TRPV5: variants seen among roughly 807,000 people sequenced by gnomAD.
TRPV5 encodes transient receptor potential cation channel subfamily V member 5, also known as calcium transport protein 2.
A neutral mutation model predicts 74.1 loss-of-function variants in TRPV5; 66 were observed. The observed-to-expected ratio is 0.89, with a 90% CI of 0.73 to 1.09. TRPV5 has a LOEUF of 1.09. Among genes scored for constraint, TRPV5 ranks in the 50% least tolerant of loss-of-function variants. TRPV5 has a pLI of 0.00. For synonymous variants in TRPV5, 399 were observed against 360.7 expected (o/e 1.11, Z -1.20); for missense variants, 936 against 930.4 (o/e 1.01, Z -0.08).
intron 8 of TRPV5, among the ~76,000 whole-genome samples, chr7:142,922,240 T>C (rs1452518798): frequency 1.3e-5 from 2 of 152,172 alleles, no homozygotes; most frequent in Admixed American, 6.5e-5. Flanking sequence ...TATATGAGGC[T>C]CTCAATAATA....
chr7:142,929,304 A>G lies in TRPV5; in HGVS notation c.487+124T>C, dbSNP rs1796043873. On this transcript the variant is annotated intron_variant, in intron 4 of 14. Transcript: ENST00000265310. ...TGGGCCTCTGGCTTAATTAAGCCCT[A>G]GAAGGGCTGCCCCTCTCAACTGCCC... 5 of 1,518,272 alleles carry G rather than the reference A, an allele frequency of 3.3e-6. No individual in the cohort carries two copies. The South Asian group carries it at 5.0e-5, about 15-fold the overall frequency. The allele number at this position is 1,518,272 out of a possible 1,614,324, so 94.1% of individuals were successfully genotyped here.
At chr7:142,924,273 TATATATAC>T (rs1795935164) in intron 8 of TRPV5, among the ~76,000 whole-genome samples, 1 of 122,506 alleles carries the variant, frequency 8.2e-6, no homozygotes, top group African/African-American at 3.3e-5. Flanking sequence ...TACATATATA[TATATATAC>T]ATATACATGT....
chr7:142,924,393 C>T (rs7457948), intron 8 of TRPV5, among the ~76,000 whole-genome samples: 2 of 124,202 alleles, frequency 1.6e-5, no homozygotes, highest in African/African-American at 6.6e-5. Flanking sequence ...TATATATATA[C>T]ATATACATGT....
chr7:142,923,314 A>C (rs924263201), intron 8 of TRPV5, among the ~76,000 whole-genome samples: 2 of 152,140 alleles, frequency 1.3e-5, no homozygotes, highest in Non-Finnish European at 2.9e-5. Flanking sequence ...AACAGTAGGA[A>C]AAAAAAGGAA....
rs1796046915 is a variant in TRPV5, at chr7:142,929,476, C to T, written c.439G>A (p.Ala147Thr). ...CTATGGCGGAAGGCAGTGCCTGTGG[C>T]TCTGGCAGAGACACTGGCCCTGCGG... ...LTRRASVSARATGTAFRHSPR... is the reference protein window; with the variant it reads ...LTRRASVSARTTGTAFRHSPR... The change falls in exon 4 of 15, where the codon GCC (alanine) becomes ACC (threonine). Residue 147 changes from alanine (A) to threonine (T), a missense_variant. Coordinates refer to ENST00000265310, the MANE Select transcript of TRPV5 (RefSeq NM_019841.7). 6.2e-7 allele frequency: 1 copy of T among 1,614,144 alleles called. No homozygotes were observed. The highest frequency in any genetic ancestry group is 1.3e-5 in the African/African-American group (1 of 75,042).
chr7:142,912,534 C>T lies in TRPV5; in HGVS notation c.1736G>A (p.Gly579Asp), dbSNP rs762236060. ...LMLNLFIAMM[G>D]DTHWRVAQER... The stretch of plus-strand genomic sequence containing the variant: ...CTGGGCCACCCTCCAGTGGGTGTCG[C>T]CCATCATGGCGATGAACAAGTTGAG... The change falls in exon 13 of 15, where the codon GGC (glycine) becomes GAC (aspartate). Residue 579 changes from glycine (G) to aspartate (D), a missense_variant. Physicochemically the swap from Gly to Asp is moderately conservative, Grantham distance 94. Transcript: ENST00000265310. 1 of 1,614,230 alleles carries T rather than the reference C, an allele frequency of 6.2e-7. No homozygotes were observed.
rs201724971 is a variant in TRPV5 at position 142,930,968 on chromosome 7, A to AATTTGTG, written c.129-529_129-523dup. 1.7e-4 allele frequency among the ~76,000 whole-genome samples: 25 copies of AATTTGTG among 150,822 alleles called. No homozygotes were observed. The East Asian group carries it at 1.8e-3, about 11-fold the overall frequency. ...GCTAGATCTTTCCTAGGCATTTTGAAATTTGTGAAATTTGTGAGGCACTAA... is the reference window on the plus strand; with the variant it reads ...GCTAGATCTTTCCTAGGCATTTTGAAATTTGTGATTTGTGAAATTTGTGAGGCACTAA... On this transcript the variant is annotated intron_variant, in intron 1 of 14. Transcript: ENST00000265310.
At chr7:142,911,986 G>A (rs961493642) in intron 13 of TRPV5, among the ~76,000 whole-genome samples, 2 of 152,088 alleles carry the variant, frequency 1.3e-5, no homozygotes, top group African/African-American at 4.8e-5. Flanking sequence ...AGATAATAAG[G>A]TACTAATCAG....
Position 142,929,565 on chromosome 7 carries a change from C to T in TRPV5, c.350G>A (p.Gly117Asp). 1 of 1,612,848 alleles carries T rather than the reference C, an allele frequency of 6.2e-7. No homozygotes were observed. The highest frequency in any genetic ancestry group is 8.5e-7 in the Non-Finnish European group (1 of 1,178,992). Reference sequence around the variant, plus strand: ...AACAGCGATGTGCAGTGCAGTCTGACCTGGCCCAGAGACAGCCATCATCAG... The same window carrying T: ...AACAGCGATGTGCAGTGCAGTCTGATCTGGCCCAGAGACAGCCATCATCAG... ...FEPTTCEAFA[G>D]QTALHIAVVN... The change falls in exon 4 of 15, where the codon GGT becomes GAT. Residue 117 changes from glycine (G) to aspartate (D), a missense_variant and splice_region_variant. By Grantham distance (94) the Gly-to-Asp change is moderately conservative. Transcript: ENST00000265310.
At chr7:142,914,593 G>T in intron 12 of TRPV5, 47 bp downstream of exon 12, 1 of 1,491,260 alleles carries the variant, frequency 6.7e-7, no homozygotes, top group Non-Finnish European at 9.3e-7. Flanking sequence ...TGAACTTTCT[G>T]GAGAACTAGA....
rs142407933 is a variant in TRPV5, at chr7:142,915,768, C to T, written c.1123-200G>A. On this transcript the variant is annotated intron_variant, in intron 8 of 14. Coordinates refer to ENST00000265310, the MANE Select transcript of TRPV5 (RefSeq NM_019841.7). The stretch of plus-strand genomic sequence containing the variant: ...GTCTATGTATCCAAGGTTTAATAGA[C>T]GTCACATATGCTAATGTCTTGAGCT... Among the ~76,000 whole-genome samples, 140 of 152,336 alleles carry T rather than the reference C, an allele frequency of 9.2e-4. 1 individual carries two copies. In the East Asian group the frequency reaches 0.015, roughly 16 times the overall value.
intron 13 of TRPV5, among the ~76,000 whole-genome samples, chr7:142,910,335 T>G (rs1015471488): frequency 6.6e-6 from 1 of 152,184 alleles, no homozygotes; most frequent in Non-Finnish European, 1.5e-5. Context: ...AACAAAGGTG[T>G]GGGAGTGCTA....
chr7:142,930,262 A>G, intron 2 of TRPV5, 82 bp from the exon 3 acceptor site: 1 of 1,610,104 alleles, frequency 6.2e-7, no homozygotes, highest in Admixed American at 1.7e-5. Flanking sequence ...GACACCCTCC[A>G]AGGCCCTATT....
At chr7:142,928,922 A>C in intron 5 of TRPV5, 56 bp from the exon 6 acceptor site, 1 of 1,611,940 alleles carries the variant, frequency 6.2e-7, no homozygotes, top group African/African-American at 1.3e-5. Context: ...TGATGTCCCC[A>C]TCCCCACTCT....
At chr7:142,923,431 TAAG>T (rs1247557391) in intron 8 of TRPV5, among the ~76,000 whole-genome samples, 2 of 152,194 alleles carry the variant, frequency 1.3e-5, no homozygotes, top group Non-Finnish European at 1.5e-5. Flanking sequence ...TACTACTGAA[TAAG>T]AAGAACATAG....
chr7:142,933,659 T>TACAC lies in TRPV5; in HGVS notation c.-201_-200insGTGT. The TACAC allele has an allele frequency of 1.5e-6, 1 of 654,522 alleles. No individual in the cohort carries two copies. The highest frequency in any genetic ancestry group is 2.6e-6 in the Non-Finnish European group (1 of 385,832). The allele number at this position is 654,522 out of a possible 1,614,324, so 40.5% of individuals were successfully genotyped here. ...ATGTGGGTTGTGGGGTGTGCGTGTATGCACAGTGTGTGGCTGTGGTGTATG... is the reference window on the plus strand; with the variant it reads ...ATGTGGGTTGTGGGGTGTGCGTGTATACACGCACAGTGTGTGGCTGTGGTGTATG... On this transcript the variant is annotated 5_prime_UTR_variant, in exon 1 of 15. It removes the in-frame stop codon of an upstream open reading frame in the 5' UTR. Coordinates refer to ENST00000265310, the MANE Select transcript of TRPV5 (RefSeq NM_019841.7).
At chr7:142,910,696 C>A (rs1266051859) in intron 13 of TRPV5, among the ~76,000 whole-genome samples, 2 of 152,236 alleles carry the variant, frequency 1.3e-5, no homozygotes, top group Non-Finnish European at 2.9e-5. Context: ...TAGCTCAGGA[C>A]TTCCAGTCAT....
chr7:142,931,964 A>G (rs1031129371), intron 1 of TRPV5, among the ~76,000 whole-genome samples: 3 of 152,188 alleles, frequency 2.0e-5, no homozygotes, highest in Non-Finnish European at 4.4e-5. Context: ...GGCCTCCCAA[A>G]GTGCTGGGAT....
At chr7:142,919,925 C>T (rs1038913104) in intron 8 of TRPV5, among the ~76,000 whole-genome samples, 1 of 152,152 alleles carries the variant, frequency 6.6e-6, no homozygotes, top group African/African-American at 2.4e-5. Context: ...CCCCATGATC[C>T]CAGACTTGCA....
Sources: gnomAD v4.1 joint callset for allele counts (sites outside exome capture counted in the v4.1 genomes callset) on GRCh38, gnomAD v4.1.1 for gene constraint, MANE v1.5 for transcripts, NCBI Gene and HGNC (gene_info 2026-07-23, HGNC 2026-07-21) for gene names.